Variants in COL22A1 observed in about 807,000 individuals in gnomAD.
COL22A1 encodes the protein collagen type XXII alpha 1 chain.
A neutral mutation model predicts 248.9 loss-of-function variants in COL22A1; 221 were observed. The ratio of observed to expected loss-of-function variants is 0.89; its 90% CI spans 0.80 to 0.99. The LOEUF (loss-of-function observed/expected upper bound fraction) is 0.99, where lower values mean the gene tolerates loss of function less well. Ranked by LOEUF, COL22A1 falls within the 50% of genes least tolerant of loss-of-function variation. The pLI is 0.00. For synonymous variants in COL22A1, 891 were observed against 793.4 expected (o/e 1.12, Z -2.07); for missense variants, 2,240 against 2,179.0 (o/e 1.03, Z -0.56).
At position 138,688,955 on chromosome 8, in the gene COL22A1, T is replaced by G. The variant is rs1310922593; in HGVS notation, c.2824A>C (p.Arg942=). The stretch of plus-strand genomic sequence containing the variant: ...TCCCCATCTTTCCCTGGGGTGCCTC[T>G]GAGGCCGGGAGCACCCTGTGGCAAG... ...PPGSVGAPGL[R]GTPGKDGERG... The change falls in exon 37 of 65, where the codon AGA becomes CGA. Residue 942 remains arginine (R), a synonymous_variant. Coordinates refer to ENST00000303045, the MANE Select transcript of COL22A1 (RefSeq NM_152888.3). 6.2e-7 allele frequency: 1 copy of G among 1,613,408 alleles called. No homozygotes were observed. The highest frequency in any genetic ancestry group is 8.5e-7 in the Non-Finnish European group (1 of 1,179,392).
At chr8:138,683,855 T>G (rs1434629489) in intron 39 of COL22A1, among the ~76,000 whole-genome samples, 3 of 152,206 alleles carry the variant, frequency 2.0e-5, no homozygotes, top group Admixed American at 2.0e-4. Flanking sequence ...CTTAGACCTA[T>G]CGCTCTGCCG....
chr8:138,742,625 G>C lies in COL22A1; in HGVS notation c.2086-5048C>G, dbSNP rs1831707410. On this transcript the variant is annotated intron_variant, in intron 22 of 64. Transcript: ENST00000303045. ...GATGGTGGAGTTGAGGGTGATGGTG[G>C]TAGTGATTGTGATGGTGATGGTGGA... Among the ~76,000 whole-genome samples, 3 of 151,586 alleles carry C rather than the reference G, an allele frequency of 2.0e-5. No homozygotes were observed. In the South Asian group the frequency reaches 6.2e-4, roughly 32 times the overall value.
At chr8:138,912,731 CAA>C (rs1815539596) in intron 1 of COL22A1, among the ~76,000 whole-genome samples, 1 of 147,024 alleles carries the variant, frequency 6.8e-6, no homozygotes, top group African/African-American at 2.6e-5. Context: ...GCCTGGGAAA[CAA>C]GAGTGAAACT....
chr8:138,887,229 G>T (rs958501368), intron 1 of COL22A1, among the ~76,000 whole-genome samples: 38 of 139,870 alleles, frequency 2.7e-4, no homozygotes, highest in African/African-American at 9.4e-4. Context: ...GTCTCTCATT[G>T]TTTTTTTTTT....
At chr8:138,784,421 G>A (rs980683733) in intron 12 of COL22A1, among the ~76,000 whole-genome samples, 1 of 152,204 alleles carries the variant, frequency 6.6e-6, no homozygotes, top group Non-Finnish European at 1.5e-5. Flanking sequence ...TGTCACGGCA[G>A]GTGCTTTCTC....
intron 3 of COL22A1, among the ~76,000 whole-genome samples, chr8:138,862,629 C>T (rs1822568535): frequency 6.6e-6 from 1 of 152,100 alleles, no homozygotes; most frequent in African/African-American, 2.4e-5. Flanking sequence ...GGCTATCTTT[C>T]CTCTTGTTTT....
At chr8:138,676,996 G>A (rs376639663) in intron 40 of COL22A1, among the ~76,000 whole-genome samples, 21 of 152,108 alleles carry the variant, frequency 1.4e-4, no homozygotes, top group East Asian at 3.9e-4. Context: ...CCAGATTTGC[G>A]CATGCACCCA....
intron 3 of COL22A1, among the ~76,000 whole-genome samples, chr8:138,862,694 C>T (rs1822574196): frequency 6.6e-6 from 1 of 151,792 alleles, no homozygotes; most frequent in African/African-American, 2.4e-5. Flanking sequence ...GTTTCCAGTT[C>T]ACAGTAAGCC....
At chr8:138,826,881 T>C in intron 5 of COL22A1, 100 bp from the exon 6 acceptor site, 1 of 1,401,236 alleles carries the variant, frequency 7.1e-7, no homozygotes. Context: ...CCCTGCCAAT[T>C]TGACTTCCTA....
chr8:138,899,921 T>C (rs779348645), intron 1 of COL22A1, among the ~76,000 whole-genome samples: 1 of 152,200 alleles, frequency 6.6e-6, no homozygotes, highest in Non-Finnish European at 1.5e-5. Context: ...AATGAGTAAA[T>C]AAATAAAAAT....
At chr8:138,637,302 A>T (rs866884334) in intron 47 of COL22A1, among the ~76,000 whole-genome samples, 9 of 152,136 alleles carry the variant, frequency 5.9e-5, no homozygotes, top group African/African-American at 1.9e-4. Flanking sequence ...AGGGTGAGGG[A>T]GAAGGAGAAG....
At chr8:138,637,379 A>C (rs1008916456) in intron 47 of COL22A1, among the ~76,000 whole-genome samples, 7 of 152,246 alleles carry the variant, frequency 4.6e-5, no homozygotes, top group African/African-American at 1.7e-4. Flanking sequence ...ATCCATACAT[A>C]AGTTCCTTGC....
chr8:138,771,300 A>C (rs1834349601), intron 16 of COL22A1, among the ~76,000 whole-genome samples: 1 of 152,220 alleles, frequency 6.6e-6, no homozygotes, highest in South Asian at 2.1e-4. Context: ...ATACGCCAGC[A>C]TTCTGCCTTT....
chr8:138,639,398 T>C (rs928486284), intron 47 of COL22A1, among the ~76,000 whole-genome samples: 10 of 152,244 alleles, frequency 6.6e-5, no homozygotes, highest in Non-Finnish European at 8.8e-5. Context: ...ACTGGATTTA[T>C]AGTCAGAAAG....
At chr8:138,751,553 G>A (rs377329569) in intron 21 of COL22A1, 42 bp from the exon 22 acceptor site, 10 of 1,390,702 alleles carry the variant, frequency 7.2e-6, no homozygotes, top group Admixed American at 1.8e-5. Flanking sequence ...GAAACATAAT[G>A]GTAAATGCAG....
At chr8:138,805,800 GTGTC>G (rs1337922076) in intron 10 of COL22A1, among the ~76,000 whole-genome samples, 1 of 147,602 alleles carries the variant, frequency 6.8e-6, no homozygotes, top group Non-Finnish European at 1.5e-5. Context: ...GTGATGGTGT[GTGTC>G]TGTATGTGTG....
At chr8:138,779,627 C>A (rs972196390) in intron 13 of COL22A1, 65 bp from the exon 14 acceptor site, 17 of 1,081,172 alleles carry the variant, frequency 1.6e-5, no homozygotes, top group Admixed American at 1.2e-4. Flanking sequence ...ACCAGAGAAG[C>A]CCACAGTCTC....
Position 138,694,500 on chromosome 8 carries a change from T to G in COL22A1, c.2700+8A>C. On this transcript the variant is annotated splice_region_variant and intron_variant, in intron 34 of 64. Transcript: ENST00000303045. ...CTGAGCCAGCAGGGGAAGGGATGGTTTTCTTACCGGTGGTCCAGTGGGTCC... is the reference window on the plus strand; with the variant it reads ...CTGAGCCAGCAGGGGAAGGGATGGTGTTCTTACCGGTGGTCCAGTGGGTCC... The G allele has an allele frequency of 6.2e-7, 1 of 1,613,806 alleles. No homozygotes were observed. Among genetic ancestry groups the G allele is most frequent in the South Asian group, 1.1e-5 (1 of 91,066 alleles).
intron 7 of COL22A1, among the ~76,000 whole-genome samples, chr8:138,818,101 G>A (rs540333586): frequency 7.2e-5 from 11 of 152,298 alleles, no homozygotes; most frequent in African/African-American, 2.4e-4. Context: ...ATCTAATCTT[G>A]CTCTATATCT....
Sources: gnomAD v4.1 joint callset for allele counts (sites outside exome capture counted in the v4.1 genomes callset) on GRCh38, gnomAD v4.1.1 for gene constraint, MANE v1.5 for transcripts, NCBI Gene and HGNC (gene_info 2026-07-23, HGNC 2026-07-21) for gene names.